PRKG1: variants seen among roughly 807,000 people sequenced by gnomAD.
PRKG1 encodes the protein protein kinase cGMP-dependent 1, also known as cGMP-dependent protein kinase 1.
Under a neutral mutation model 88.1 loss-of-function variants are expected in PRKG1, and 35 were observed. The ratio of observed to expected loss-of-function variants is 0.40; its 90% CI spans 0.30 to 0.53. The LOEUF (loss-of-function observed/expected upper bound fraction) is 0.53, where lower values mean the gene tolerates loss of function less well. Among genes scored for constraint, PRKG1 ranks in the 20% least tolerant of loss-of-function variants. The pLI, the probability that PRKG1 is intolerant of heterozygous loss-of-function variation, is 0.59. For missense variants in PRKG1, 540 were observed against 839.8 expected, an observed-to-expected ratio of 0.64 and a Z score of 4.41; for synonymous variants, 303 against 292.5, an observed-to-expected ratio of 1.04 and a Z score of -0.37.
intron 1 of PRKG1, among the ~76,000 whole-genome samples, chr10:50,997,863 G>A (rs1298047765): frequency 2.0e-5 from 3 of 152,162 alleles, no homozygotes; most frequent in Non-Finnish European, 2.9e-5. Flanking sequence ...AGAAAAATAT[G>A]TGTATACATA....
intron 4 of PRKG1, among the ~76,000 whole-genome samples, chr10:51,843,978 T>C (rs374157272): frequency 1.2e-3 from 189 of 152,262 alleles, no homozygotes; most frequent in Middle Eastern, 0.01. Context: ...GTTCAATTAT[T>C]ATCAGGAGTA....
chr10:52,261,404 A>G (rs1841428577), intron 10 of PRKG1, among the ~76,000 whole-genome samples: 1 of 151,908 alleles, frequency 6.6e-6, no homozygotes, highest in Non-Finnish European at 1.5e-5. Flanking sequence ...ATGAAAAGGC[A>G]TATATATATA....
chr10:52,255,149 C>T (rs1841278152), intron 10 of PRKG1, among the ~76,000 whole-genome samples: 1 of 152,100 alleles, frequency 6.6e-6, no homozygotes. Context: ...AGCAAAAGAA[C>T]TCAGCTCTCT....
chr10:51,357,763 G>A (rs889178294), intron 2 of PRKG1, among the ~76,000 whole-genome samples: 1 of 151,798 alleles, frequency 6.6e-6, no homozygotes, highest in Admixed American at 6.6e-5. Context: ...ATAGCCCTAA[G>A]AGAGCTTTGT....
At chr10:52,037,244 G>T (rs942980636) in intron 5 of PRKG1, among the ~76,000 whole-genome samples, 1 of 152,196 alleles carries the variant, frequency 6.6e-6, no homozygotes, top group Non-Finnish European at 1.5e-5. Context: ...CCTGTGGGAG[G>T]AGGTTCTGGA....
chr10:52,009,245 G>C (rs1306487155), intron 5 of PRKG1, among the ~76,000 whole-genome samples: 3 of 152,282 alleles, frequency 2.0e-5, no homozygotes, highest in East Asian at 3.9e-4. Context: ...CCTATTTACA[G>C]ATGATGTGAT....
At chr10:52,087,140 AACT>A (rs1846937166) in intron 7 of PRKG1, among the ~76,000 whole-genome samples, 1 of 152,158 alleles carries the variant, frequency 6.6e-6, no homozygotes, top group Admixed American at 6.5e-5. Context: ...AATAAAAAAC[AACT>A]GCATTTTTCT....
At chr10:52,082,171 C>G (rs969577190) in intron 7 of PRKG1, among the ~76,000 whole-genome samples, 5 of 152,060 alleles carry the variant, frequency 3.3e-5, no homozygotes, top group African/African-American at 1.2e-4. Context: ...TGACAAATGA[C>G]TCAGTATCGA....
chr10:51,009,595 A>G (rs927465966), intron 1 of PRKG1, among the ~76,000 whole-genome samples: 17 of 152,238 alleles, frequency 1.1e-4, no homozygotes, highest in Admixed American at 1.0e-3. Flanking sequence ...AGCTAGTTGA[A>G]TAGTCTTATT....
At chr10:51,203,763 G>A (rs184368755) in intron 2 of PRKG1, among the ~76,000 whole-genome samples, 1 of 152,302 alleles carries the variant, frequency 6.6e-6, no homozygotes, top group East Asian at 1.9e-4. Flanking sequence ...TTGAAATGAT[G>A]TGAGTAATTT....
At chr10:52,279,286 T>A (rs538630192) in intron 12 of PRKG1, among the ~76,000 whole-genome samples, 2 of 152,208 alleles carry the variant, frequency 1.3e-5, no homozygotes, top group Non-Finnish European at 2.9e-5. Flanking sequence ...TTTCCTCATA[T>A]GGATGCAGTT....
In PRKG1 at chr10:51,177,649, C is replaced by T. The variant is rs536184598; in HGVS notation, c.478+24319C>T. Among the ~76,000 whole-genome samples, 3 of 152,068 alleles carry T rather than the reference C, an allele frequency of 2.0e-5. No homozygotes were observed. In the South Asian group the frequency reaches 6.3e-4, roughly 32 times the overall value. ...CAAATAATTGTGAATTATTGTTATT[C>T]CAACTCTATGGAAATGGAATATCAT... On this transcript the variant is annotated intron_variant, in intron 2 of 17. Coordinates refer to ENST00000373980, the MANE Select transcript of PRKG1 (RefSeq NM_006258.4).
chr10:51,622,605 T>C (rs1407257252), intron 3 of PRKG1, among the ~76,000 whole-genome samples: 2 of 152,208 alleles, frequency 1.3e-5, no homozygotes, highest in Admixed American at 6.5e-5. Context: ...ACTTTGTTTA[T>C]ATGTGAGATA....
chr10:51,942,189 T>G (rs1842924305), intron 5 of PRKG1, among the ~76,000 whole-genome samples: 1 of 152,032 alleles, frequency 6.6e-6, no homozygotes, highest in African/African-American at 2.4e-5. Context: ...GATTTGCATT[T>G]CTCTGATGGC....
intron 5 of PRKG1, among the ~76,000 whole-genome samples, chr10:51,968,935 T>A (rs1490396871): frequency 6.6e-6 from 1 of 151,942 alleles, no homozygotes; most frequent in Non-Finnish European, 1.5e-5. Flanking sequence ...CTCATACATA[T>A]AATAAAATTT....
intron 4 of PRKG1, among the ~76,000 whole-genome samples, chr10:51,855,334 G>A (rs1347618214): frequency 1.3e-5 from 2 of 152,096 alleles, no homozygotes; most frequent in Non-Finnish European, 2.9e-5. Flanking sequence ...TAGAGTAACT[G>A]GAGATCTTCT....
chr10:52,168,017 C>G (rs7080049), intron 9 of PRKG1, among the ~76,000 whole-genome samples: 152,134 of 152,322 alleles, frequency 1, 75,973 homozygotes, highest in Non-Finnish European at 1. Flanking sequence ...CCTTGCAATG[C>G]CTCTGTAGTC....
intron 1 of PRKG1, among the ~76,000 whole-genome samples, chr10:51,147,178 A>G (rs1845965295): frequency 6.6e-6 from 1 of 152,164 alleles, no homozygotes; most frequent in African/African-American, 2.4e-5. Context: ...TAATGGATAA[A>G]AAATTATAGC....
At chr10:51,234,028 A>T (rs947128655) in intron 2 of PRKG1, among the ~76,000 whole-genome samples, 7 of 152,148 alleles carry the variant, frequency 4.6e-5, no homozygotes, top group Non-Finnish European at 1.0e-4. Flanking sequence ...TTCCAAATTC[A>T]TATGGACCAT....
Sources: allele counts gnomAD v4.1 joint callset (sites outside exome capture counted in the v4.1 genomes callset), GRCh38; gene constraint gnomAD v4.1.1; transcripts MANE v1.5; gene names NCBI Gene and HGNC (gene_info 2026-07-23, HGNC 2026-07-21).